RUNX1T1: variants seen among roughly 807,000 people sequenced by gnomAD.
RUNX1T1 encodes protein CBFA2T1.
A neutral mutation model predicts 62.8 loss-of-function variants in RUNX1T1; 4 were observed. That is an observed-to-expected ratio of 0.06 (90% CI 0.03 to 0.15). The LOEUF is 0.15. Ranked by LOEUF, RUNX1T1 falls within the 10% of genes least tolerant of loss-of-function variation. The pLI is 1.00. For synonymous variants in RUNX1T1, 291 were observed against 286.0 expected, an observed-to-expected ratio of 1.02 and a Z score of -0.18; for missense variants, 508 against 754.3, an observed-to-expected ratio of 0.67 and a Z score of 3.82.
chr8:92,058,932 A>G (rs1418045049), intron 1 of RUNX1T1, among the ~76,000 whole-genome samples: 1 of 152,274 alleles, frequency 6.6e-6, no homozygotes, highest in East Asian at 1.9e-4. Context: ...AAGATTAAAC[A>G]ATTATCATTT....
chr8:91,969,072 CAA>C (rs567608188), intron 10 of RUNX1T1, among the ~76,000 whole-genome samples: 2 of 135,094 alleles, frequency 1.5e-5, no homozygotes, highest in Admixed American at 7.5e-5. Flanking sequence ...CCCAAGAGGT[CAA>C]AAAAAAAAAG....
chr8:91,962,310 A>G (rs565577598), intron 10 of RUNX1T1, among the ~76,000 whole-genome samples: 1 of 151,582 alleles, frequency 6.6e-6, no homozygotes, highest in East Asian at 1.9e-4. Flanking sequence ...GAAAAACAAA[A>G]CAAAAACAAA....
chr8:91,976,142 GGCCTGTCATCAGA>G, intron 8 of RUNX1T1, 169 bp from the exon 10 acceptor site: 1 of 562,246 alleles, frequency 1.8e-6, no homozygotes, highest in Non-Finnish European at 3.2e-6. Context: ...AAAATAGCAA[GGCCTGTCATCAGA>G]GCCCAAGGAA....
chr8:92,090,432 G>A (rs1250451847), intron 1 of RUNX1T1, among the ~76,000 whole-genome samples: 2 of 152,052 alleles, frequency 1.3e-5, no homozygotes, highest in Non-Finnish European at 2.9e-5. Flanking sequence ...TACTGGATAA[G>A]TTCAACAACA....
Position 92,057,944 on chromosome 8 carries a change from G to C in RUNX1T1, c.7+4602C>G, listed in dbSNP as rs112260465. ...GAATGCCCTATCCTTAGTATAAGAA[G>C]AACAAACCAAAAAATGCTAAGTTAC... On this transcript the variant is annotated intron_variant, in intron 1 of 10. Transcript: ENST00000396218. Among the ~76,000 whole-genome samples the C allele has an allele frequency of 3.6e-3, 547 of 152,182 alleles. 1 individual carries two copies. Among genetic ancestry groups the C allele is most frequent in the Non-Finnish European group, 6.0e-3 (410 of 67,994 alleles).
chr8:92,034,589 T>A (rs1427331420), intron 1 of RUNX1T1, among the ~76,000 whole-genome samples: 1 of 151,996 alleles, frequency 6.6e-6, no homozygotes, highest in Admixed American at 6.6e-5. Flanking sequence ...CCTAGTTTAT[T>A]GCAGCACTAT....
At chr8:92,045,976 GA>G (rs1829325095) in intron 1 of RUNX1T1, among the ~76,000 whole-genome samples, 2 of 152,084 alleles carry the variant, frequency 1.3e-5, no homozygotes, top group African/African-American at 4.8e-5. Context: ...ATGGAGGTCA[GA>G]AAATTTAAGT....
chr8:92,056,765 C>CT (rs960516211), intron 1 of RUNX1T1, among the ~76,000 whole-genome samples: 2 of 151,890 alleles, frequency 1.3e-5, no homozygotes, highest in African/African-American at 2.4e-5. Flanking sequence ...AAAAAACGTG[C>CT]TTTTTTTTAG....
At chr8:91,957,591 TAAG>T (rs1270116536), downstream of RUNX1T1, 1 of 230,360 alleles carries the variant, frequency 4.3e-6, no homozygotes, top group Non-Finnish European at 8.6e-6. Flanking sequence ...ACACTAGTGT[TAAG>T]AATAACAGTG....
intron 1 of RUNX1T1, among the ~76,000 whole-genome samples, chr8:92,090,855 G>C (rs1836876519): frequency 6.6e-6 from 1 of 152,170 alleles, no homozygotes; most frequent in South Asian, 2.1e-4. Flanking sequence ...CAATGGGCTG[G>C]AGTTCTTTGA....
chr8:92,039,162 A>T (rs1245966896), intron 1 of RUNX1T1, among the ~76,000 whole-genome samples: 9 of 125,868 alleles, frequency 7.2e-5, no homozygotes, highest in Non-Finnish European at 1.2e-4. Flanking sequence ...TTTTTTTTTG[A>T]GACAGAGTCT....
At chr8:92,005,000 T>C (rs1231555196) in intron 5 of RUNX1T1, 116 bp downstream of exon 6, 17 of 867,600 alleles carry the variant, frequency 2.0e-5, no homozygotes, top group South Asian at 5.5e-5. Flanking sequence ...CAATGGCTTA[T>C]TGCTATTGTG....
chr8:92,030,394 T>C lies in RUNX1T1; in HGVS notation c.8-13031A>G, dbSNP rs555557667. Reference sequence around the variant, plus strand: ...ACGTATCACATTGCCAAGTACTTAGTATGAGTAAACAGTGGATATATAAGA... The same window carrying C: ...ACGTATCACATTGCCAAGTACTTAGCATGAGTAAACAGTGGATATATAAGA... On this transcript the variant is annotated intron_variant, in intron 1 of 10. Coordinates refer to ENST00000396218, the Ensembl canonical transcript of RUNX1T1. Among the ~76,000 whole-genome samples the C allele has an allele frequency of 1.1e-3, 172 of 152,306 alleles. 2 individuals are homozygous for C. The highest frequency in any genetic ancestry group is 4.0e-3 in the African/African-American group (166 of 41,566).
intron 10 of RUNX1T1, among the ~76,000 whole-genome samples, chr8:91,969,953 T>C (rs1203231581): frequency 2.0e-5 from 3 of 152,080 alleles, no homozygotes; most frequent in Admixed American, 6.6e-5. Flanking sequence ...GGCAATATTT[T>C]AAAAATCATG....
intron 2 of RUNX1T1, among the ~76,000 whole-genome samples, chr8:92,015,546 G>A (rs921818055): frequency 5.3e-5 from 8 of 152,102 alleles, no homozygotes; most frequent in Non-Finnish European, 7.4e-5. Context: ...ACATCAAGAC[G>A]ATAATCCCTG....
chr8:91,996,206 TTTTTAC>T (rs1474525370), intron 5 of RUNX1T1, among the ~76,000 whole-genome samples: 1 of 152,108 alleles, frequency 6.6e-6, no homozygotes, highest in African/African-American at 2.4e-5. Context: ...TTTATTTTTA[TTTTTAC>T]TTTTTTTGAG....
chr8:92,046,441 G>A (rs930741028), intron 1 of RUNX1T1, among the ~76,000 whole-genome samples: 11 of 152,122 alleles, frequency 7.2e-5, no homozygotes, highest in African/African-American at 2.7e-4. Context: ...ATAGCTTACT[G>A]CAACGTCCAT....
At chr8:92,102,606 G>A (rs1838092016), upstream of RUNX1T1, among the ~76,000 whole-genome samples, 1 of 152,002 alleles carries the variant, frequency 6.6e-6, no homozygotes, top group Non-Finnish European at 1.5e-5. The surrounding 1 kb of genome is among the most constrained non-coding windows in gnomAD (Gnocchi z 4.5). Context: ...GACACTGTGG[G>A]GAATATAATA....
chr8:91,970,909 G>T, intron 9 of RUNX1T1, 61 bp from the exon 11 acceptor site: 1 of 1,348,804 alleles, frequency 7.4e-7, no homozygotes, highest in Non-Finnish European at 9.9e-7. Context: ...GAAGTCATTG[G>T]ATACGGATTA....
Sources: gnomAD v4.1 joint callset for allele counts (sites outside exome capture counted in the v4.1 genomes callset) on GRCh38, gnomAD v4.1.1 for gene constraint, Gnocchi (gnomAD v3.1) non-coding constraint, MANE v1.5 for transcripts, NCBI Gene and HGNC (gene_info 2026-07-23, HGNC 2026-07-21) for gene names.